Variants in WDFY1 observed in about 807,000 individuals in gnomAD.
WDFY1 encodes the protein WD repeat and FYVE domain-containing protein 1.
A neutral mutation model predicts 56.4 loss-of-function variants in WDFY1; 32 were observed. The observed-to-expected ratio is 0.57, with a 90% CI of 0.43 to 0.76. The LOEUF (loss-of-function observed/expected upper bound fraction) is 0.76, where lower values mean the gene tolerates loss of function less well. Among genes scored for constraint, WDFY1 ranks in the 30% least tolerant of loss-of-function variants. The pLI is 0.00. For synonymous variants in WDFY1, 192 were observed against 197.3 expected, an observed-to-expected ratio of 0.97 and a Z score of 0.23; for missense variants, 480 against 545.7, an observed-to-expected ratio of 0.88 and a Z score of 1.20.
intron 3 of WDFY1, among the ~76,000 whole-genome samples, chr2:223,907,666 A>G (rs573612747): frequency 6.6e-6 from 1 of 152,286 alleles, no homozygotes; most frequent in South Asian, 2.1e-4. Flanking sequence ...ATATGTGTGT[A>G]TGCACATGAT....
chr2:223,892,649 G>A (rs1292101962), intron 8 of WDFY1, among the ~76,000 whole-genome samples: 1 of 152,190 alleles, frequency 6.6e-6, no homozygotes, highest in Non-Finnish European at 1.5e-5. Flanking sequence ...TTTAATCAGT[G>A]AGAATCAGAC....
intron 1 of WDFY1, among the ~76,000 whole-genome samples, chr2:223,939,315 G>A (rs1689258582): frequency 6.6e-6 from 1 of 152,188 alleles, no homozygotes; most frequent in Admixed American, 6.5e-5. Flanking sequence ...ATAAGTACAT[G>A]AAGCCCGGAC....
chr2:223,881,534 A>G (rs1370971759), intron 10 of WDFY1, among the ~76,000 whole-genome samples: 1 of 152,172 alleles, frequency 6.6e-6, no homozygotes, highest in African/African-American at 2.4e-5. Flanking sequence ...TCGCGCCTGT[A>G]ATCCTGGCAC....
intron 1 of WDFY1, among the ~76,000 whole-genome samples, chr2:223,934,514 T>A (rs1004448546): frequency 1.3e-5 from 2 of 151,988 alleles, no homozygotes; most frequent in South Asian, 4.1e-4. Context: ...GTTAGAAAAA[T>A]TTTATTTTAT....
chr2:223,880,286 T>C (rs1693043536), intron 10 of WDFY1, 54 bp from the exon 11 acceptor site: 2 of 1,527,092 alleles, frequency 1.3e-6, no homozygotes, highest in Non-Finnish European at 1.8e-6. Flanking sequence ...CTAGAGCTAG[T>C]GGGGTAAGCT....
At chr2:223,905,056 A>G (rs1158163914) in intron 4 of WDFY1, among the ~76,000 whole-genome samples, 1 of 152,242 alleles carries the variant, frequency 6.6e-6, no homozygotes, top group African/African-American at 2.4e-5. Context: ...ACATTCAGAA[A>G]AGACAACAAA....
chr2:223,913,507 T>C (rs1263544082), intron 2 of WDFY1, among the ~76,000 whole-genome samples: 1 of 152,206 alleles, frequency 6.6e-6, no homozygotes, highest in East Asian at 1.9e-4. Context: ...GACACAGTGA[T>C]GTTTGAGATT....
chr2:223,897,397 A>T (rs1006187956), intron 6 of WDFY1, among the ~76,000 whole-genome samples: 62 of 31,722 alleles, frequency 2.0e-3, no homozygotes, highest in South Asian at 4.0e-3. Context: ...TATATTTTTT[A>T]AGACGGAGTC....
chr2:223,903,324 C>T (rs2106083542), intron 4 of WDFY1, among the ~76,000 whole-genome samples: 1 of 152,062 alleles, frequency 6.6e-6, no homozygotes, highest in South Asian at 2.1e-4. Context: ...GAGTTCAAGA[C>T]CAGCCTGGCC....
At position 223,882,017 on chromosome 2, in the gene WDFY1, G is replaced by C; in HGVS notation, c.989C>G (p.Ser330Ter). Residue 330 changes from serine (S) to a stop codon, truncating the protein, a stop_gained, in exon 10 of 12, where the codon TCA becomes TGA. Transcript: ENST00000233055. LOFTEE classifies it high-confidence loss of function. ...CTCGAAGCCCATGACTGGGTAACTT[G>C]AGCGCTTGCTGCTGCACTTCCCGCA... The part of the protein sequence containing the change: ...AVCGKCSSKR[S>*]SYPVMGFEFQ... 6.2e-7 allele frequency: 1 copy of C among 1,614,092 alleles called. No individual in the cohort carries two copies. The highest frequency in any genetic ancestry group is 8.5e-7 in the Non-Finnish European group (1 of 1,179,974).
Position 223,897,388 on chromosome 2 carries a change from A to ATTTTTTT in WDFY1, c.598+1569_598+1570insAAAAAAA, listed in dbSNP as rs1474375997. Among the ~76,000 whole-genome samples, 61 of 125,064 alleles carry ATTTTTTT rather than the reference A, an allele frequency of 4.9e-4. 2 individuals carry two copies. The highest frequency in any genetic ancestry group is 1.0e-3 in the African/African-American group (35 of 33,520). 82.0% of individuals were successfully genotyped at this position (125,064 alleles called of 152,430 possible). On this transcript the variant is annotated intron_variant, in intron 6 of 11. Coordinates refer to ENST00000233055, the MANE Select transcript of WDFY1 (RefSeq NM_020830.5). ...TATATATATATATATATATATATAT[A>ATTTTTTT]TATTTTTTAAGACGGAGTCTCTCTC...
At chr2:223,882,135 G>T in intron 9 of WDFY1, 63 bp from the exon 10 acceptor site, 1 of 1,560,130 alleles carries the variant, frequency 6.4e-7, no homozygotes, top group Non-Finnish European at 8.7e-7. Context: ...TTTGTTTTGA[G>T]ACAGAGTCTC....
chr2:223,905,060 C>G (rs1055324509), intron 4 of WDFY1, among the ~76,000 whole-genome samples: 1 of 152,124 alleles, frequency 6.6e-6, no homozygotes, highest in Non-Finnish European at 1.5e-5. Flanking sequence ...TCAGAAAAGA[C>G]AACAAATGGT....
At chr2:223,900,051 G>A (rs556085958) in intron 5 of WDFY1, among the ~76,000 whole-genome samples, 22 of 152,202 alleles carry the variant, frequency 1.4e-4, no homozygotes, top group East Asian at 1.4e-3. Flanking sequence ...TTACTTTCTC[G>A]ATTTGTGGTC....
chr2:223,944,207 C>T (rs1689362597), intron 1 of WDFY1, among the ~76,000 whole-genome samples: 1 of 152,170 alleles, frequency 6.6e-6, no homozygotes, highest in South Asian at 2.1e-4. Context: ...AGGAAGAGAG[C>T]GAAGGCGGCT....
In WDFY1 at chr2:223,893,647, ATACT is replaced by A. The variant is rs537044507; in HGVS notation, c.831+583_831+586del. Among the ~76,000 whole-genome samples, 24 of 152,320 alleles carry A rather than the reference ATACT, an allele frequency of 1.6e-4. No homozygotes were observed. The South Asian group carries it at 4.8e-3, about 30-fold the overall frequency. On this transcript the variant is annotated intron_variant, in intron 8 of 11. Coordinates refer to ENST00000233055, the MANE Select transcript of WDFY1 (RefSeq NM_020830.5). ...TTCCACTTTATGTAGGAGGGAACAGATACTTAGAGAAATTAAGGCACTTAACCAA... is the reference window on the plus strand; with the variant it reads ...TTCCACTTTATGTAGGAGGGAACAGATAGAGAAATTAAGGCACTTAACCAA...
At chr2:223,904,402 T>C (rs1693562920) in intron 4 of WDFY1, among the ~76,000 whole-genome samples, 1 of 142,594 alleles carries the variant, frequency 7.0e-6, no homozygotes, top group Non-Finnish European at 1.5e-5. Context: ...CAGGCATGTG[T>C]CACCAGGTCC....
chr2:223,917,646 C>T (rs1693811010), intron 2 of WDFY1, among the ~76,000 whole-genome samples: 1 of 151,952 alleles, frequency 6.6e-6, no homozygotes, highest in South Asian at 2.1e-4. Context: ...CAACCTTGAC[C>T]CATTGCAACC....
At chr2:223,917,824 G>C in intron 2 of WDFY1, 119 bp downstream of exon 2, 1 of 1,118,974 alleles carries the variant, frequency 8.9e-7, no homozygotes, top group Non-Finnish European at 1.3e-6. Context: ...TACCCGCCTT[G>C]GCCTCTCAAA....
Sources: gnomAD v4.1 joint callset for allele counts (sites outside exome capture counted in the v4.1 genomes callset) on GRCh38, gnomAD v4.1.1 for gene constraint, MANE v1.5 for transcripts, NCBI Gene and HGNC (gene_info 2026-07-23, HGNC 2026-07-21) for gene names.